PIP4K2A: variants seen among roughly 807,000 people sequenced by gnomAD.
PIP4K2A encodes the protein phosphatidylinositol 5-phosphate 4-kinase type-2 alpha.
A neutral mutation model predicts 42.9 loss-of-function variants in PIP4K2A; 14 were observed. The observed-to-expected ratio is 0.33, with a 90% CI of 0.22 to 0.51. The LOEUF (loss-of-function observed/expected upper bound fraction) is 0.51. PIP4K2A is among the 20% of genes least tolerant of loss of function. The probability of loss-of-function intolerance (pLI) is 0.97; values close to 1 mark genes in which losing one functional copy is unlikely to be tolerated. For synonymous variants in PIP4K2A, 192 were observed against 192.2 expected, an observed-to-expected ratio of 1.00 and a Z score of 0.01; for missense variants, 434 against 519.8, an observed-to-expected ratio of 0.83 and a Z score of 1.61.
chr10:22,585,439 G>A (rs1271108351), intron 4 of PIP4K2A, among the ~76,000 whole-genome samples: 1 of 152,098 alleles, frequency 6.6e-6, no homozygotes, highest in Non-Finnish European at 1.5e-5. Flanking sequence ...TATCGATTCA[G>A]TCACTTTGAA....
chr10:22,699,010 G>A (rs1833653087), intron 1 of PIP4K2A, among the ~76,000 whole-genome samples: 1 of 152,170 alleles, frequency 6.6e-6, no homozygotes, highest in South Asian at 2.1e-4. Context: ...ATTGGCATGT[G>A]TTAAATCTGT....
At chr10:22,585,318 G>A (rs1214792684) in intron 4 of PIP4K2A, among the ~76,000 whole-genome samples, 1 of 152,100 alleles carries the variant, frequency 6.6e-6, no homozygotes, top group African/African-American at 2.4e-5. Context: ...ATTTAACAGG[G>A]AGTTCAGATT....
intron 1 of PIP4K2A, chr10:22,691,818 C>T (rs1217308385): frequency 1.3e-5 from 2 of 152,186 alleles, no homozygotes; most frequent in African/African-American, 2.4e-5. Flanking sequence ...ATATGTTTCT[C>T]ATAGTTAATC....
intron 9 of PIP4K2A, among the ~76,000 whole-genome samples, chr10:22,537,763 C>T (rs919710307): frequency 6.6e-6 from 1 of 152,188 alleles, no homozygotes; most frequent in Non-Finnish European, 1.5e-5. Flanking sequence ...TGGACAGAGG[C>T]CCCCAGCTCA....
chr10:22,550,626 A>C, intron 7 of PIP4K2A, 33 bp downstream of exon 7: 1 of 1,113,316 alleles, frequency 9.0e-7, no homozygotes, highest in Non-Finnish European at 1.4e-6. Flanking sequence ...ATATTTATAC[A>C]ATGAGTCTGG....
chr10:22,711,990 T>G (rs983654522), intron 1 of PIP4K2A, among the ~76,000 whole-genome samples: 39 of 152,216 alleles, frequency 2.6e-4, no homozygotes, highest in African/African-American at 9.4e-4. Context: ...ATAAAAATAT[T>G]AGAGGTGTTT....
At chr10:22,659,416 A>T (rs937211665) in intron 1 of PIP4K2A, among the ~76,000 whole-genome samples, 2 of 152,208 alleles carry the variant, frequency 1.3e-5, no homozygotes, top group African/African-American at 4.8e-5. Context: ...AATATGGCAA[A>T]ACCCCGTCTC....
chr10:22,692,017 A>C (rs1839880995), intron 1 of PIP4K2A, among the ~76,000 whole-genome samples: 2 of 151,986 alleles, frequency 1.3e-5, no homozygotes, highest in Non-Finnish European at 2.9e-5. Flanking sequence ...TTTTGGGATG[A>C]CTCAAGACCA....
At chr10:22,636,979 A>G (rs1217675670) in intron 1 of PIP4K2A, among the ~76,000 whole-genome samples, 3 of 152,276 alleles carry the variant, frequency 2.0e-5, no homozygotes, top group African/African-American at 7.2e-5. Context: ...AGAACTGCGC[A>G]GCAGAGCCCA....
At chr10:22,546,566 C>T (rs1420317488) in intron 7 of PIP4K2A, among the ~76,000 whole-genome samples, 2 of 152,098 alleles carry the variant, frequency 1.3e-5, no homozygotes, top group Non-Finnish European at 2.9e-5. Flanking sequence ...CATGCACCAC[C>T]ACGTTTGGCT....
chr10:22,586,475 A>C (rs1837397018), intron 4 of PIP4K2A, among the ~76,000 whole-genome samples: 1 of 152,226 alleles, frequency 6.6e-6, no homozygotes, highest in Non-Finnish European at 1.5e-5. Flanking sequence ...AGGTGTAGGA[A>C]ATTAAATACA....
chr10:22,568,924 C>T lies in PIP4K2A; in HGVS notation c.640-1035G>A. 3 of 1,031,172 alleles carry T rather than the reference C, an allele frequency of 2.9e-6. No homozygotes were observed. In the South Asian group the frequency reaches 4.1e-5, roughly 14 times the overall value. The allele number at this position is 1,031,172 out of a possible 1,614,324, so 63.9% of individuals were successfully genotyped here. On this transcript the variant is annotated intron_variant, in intron 5 of 9. Transcript: ENST00000376573. ...TGGACACCCCTAACTATCGTGAGGT[C>T]AGCCAAGCCACTTGCTTCTTTACCA...
rs141187783 is a variant in PIP4K2A, at chr10:22,575,029, C to T, written c.493-1572G>A. The stretch of plus-strand genomic sequence containing the variant: ...GTGTGTGTCCTGGCGCCTCCATTTA[C>T]GAGCTGTGAGATCTTGGGCAAGTTA... On this transcript the variant is annotated intron_variant, in intron 4 of 9. Coordinates refer to ENST00000376573, the MANE Select transcript of PIP4K2A (RefSeq NM_005028.5). Among the ~76,000 whole-genome samples, 374 of 152,222 alleles carry T rather than the reference C, an allele frequency of 2.5e-3. 1 individual carries two copies. The highest frequency in any genetic ancestry group is 8.1e-3 in the African/African-American group (337 of 41,526).
At chr10:22,638,055 C>T (rs895668345) in intron 1 of PIP4K2A, among the ~76,000 whole-genome samples, 2 of 152,198 alleles carry the variant, frequency 1.3e-5, no homozygotes, top group African/African-American at 4.8e-5. Flanking sequence ...TCCTCCTGAA[C>T]AGTCCCCCAG....
At chr10:22,661,349 C>CTTTTTT (rs374324575) in intron 1 of PIP4K2A, among the ~76,000 whole-genome samples, 1 of 99,820 alleles carries the variant, frequency 1.0e-5, no homozygotes, top group African/African-American at 3.9e-5. Context: ...ATGATGCTGC[C>CTTTTTT]TTTTTTTTTT....
chr10:22,687,603 T>C lies in PIP4K2A; in HGVS notation c.144+26580A>G, dbSNP rs552568227. The stretch of plus-strand genomic sequence containing the variant: ...CACACACACAAATTAACTACCATCA[T>C]CCTTTGAGATCAGTGGACAACCGGT... On this transcript the variant is annotated intron_variant, in intron 1 of 9. Transcript: ENST00000376573. Among the ~76,000 whole-genome samples, 7 of 151,988 alleles carry C rather than the reference T, an allele frequency of 4.6e-5. No individual in the cohort carries two copies. The East Asian group carries it at 1.4e-3, about 29-fold the overall frequency.
chr10:22,623,495 C>A (rs1838374940), intron 1 of PIP4K2A, among the ~76,000 whole-genome samples: 1 of 152,154 alleles, frequency 6.6e-6, no homozygotes, highest in Non-Finnish European at 1.5e-5. Context: ...TACTAAAAGG[C>A]TGCCTTTACA....
intron 3 of PIP4K2A, among the ~76,000 whole-genome samples, chr10:22,596,779 C>T (rs572847646): frequency 6.6e-6 from 1 of 152,322 alleles, no homozygotes; most frequent in East Asian, 1.9e-4. Context: ...AAAACAGACC[C>T]AGAGAGCAGA....
At chr10:22,700,962 G>C (rs917323206) in intron 1 of PIP4K2A, among the ~76,000 whole-genome samples, 1 of 151,988 alleles carries the variant, frequency 6.6e-6, no homozygotes. Context: ...AAGTATAGAA[G>C]CACCTGAAGA....
Sources: gnomAD v4.1 joint callset for allele counts (sites outside exome capture counted in the v4.1 genomes callset) on GRCh38, gnomAD v4.1.1 for gene constraint, MANE v1.5 for transcripts, NCBI Gene and HGNC (gene_info 2026-07-23, HGNC 2026-07-21) for gene names.